SLAIN1: variants seen among roughly 807,000 people sequenced by gnomAD.
SLAIN1 encodes the protein SLAIN motif-containing protein 1.
A neutral mutation model predicts 55.4 loss-of-function variants in SLAIN1; 17 were observed. The observed-to-expected ratio is 0.31, with a 90% CI of 0.21 to 0.46. The LOEUF (loss-of-function observed/expected upper bound fraction) is 0.46. Among genes scored for constraint, SLAIN1 ranks in the 20% least tolerant of loss-of-function variants. SLAIN1 has a pLI of 1.00. For missense variants in SLAIN1, 682 were observed against 785.1 expected, an observed-to-expected ratio of 0.87 and a Z score of 1.57; for synonymous variants, 348 against 337.4, an observed-to-expected ratio of 1.03 and a Z score of -0.35.
chr13:77,723,008 A>G (rs2091276339), intron 2 of SLAIN1, among the ~76,000 whole-genome samples: 1 of 152,284 alleles, frequency 6.6e-6, no homozygotes. Context: ...TTGGCCTCCC[A>G]AAGTGCTGAG....
rs188709969 is a variant in SLAIN1 at position 77,708,902 on chromosome 13, C to T, written c.626+10363C>T. Among the ~76,000 whole-genome samples, 42 of 151,970 alleles carry T rather than the reference C, an allele frequency of 2.8e-4. No homozygotes were observed. The East Asian group carries it at 4.3e-3, about 15-fold the overall frequency. ...TTGCCAGCAAGGGAACAAAACTGGA[C>T]GGAGAATGAGTTTGATGAATTGACA... On this transcript the variant is annotated intron_variant, in intron 1 of 6. Transcript: ENST00000418532.
rs1019895872 is a variant in SLAIN1, at chr13:77,705,045, C to T, written c.626+6506C>T. Among the ~76,000 whole-genome samples, 2 of 149,158 alleles carry T rather than the reference C, an allele frequency of 1.3e-5. 1 individual carries two copies. The highest frequency in any genetic ancestry group is 1.3e-4 in the Admixed American group (2 of 14,822). ...TATATATACATAGAAACTGTATATA[C>T]AGAGGTTTTATATGTATATATACAC... On this transcript the variant is annotated intron_variant, in intron 1 of 6. Transcript: ENST00000418532.
chr13:77,724,849 C>G (rs986035000), intron 2 of SLAIN1, among the ~76,000 whole-genome samples: 1 of 152,056 alleles, frequency 6.6e-6, no homozygotes, highest in African/African-American at 2.4e-5. Context: ...AGTAACTCGT[C>G]ATTTTATTTT....
intron 1 of SLAIN1, among the ~76,000 whole-genome samples, chr13:77,712,133 G>A (rs1187082904): frequency 6.6e-6 from 1 of 152,160 alleles, no homozygotes; most frequent in East Asian, 1.9e-4. Context: ...GCAAAAGCTG[G>A]AAGCATTCCT....
chr13:77,741,405 G>A (rs971897215), intron 2 of SLAIN1: 15 of 987,352 alleles, frequency 1.5e-5, no homozygotes, highest in Non-Finnish European at 1.8e-5. Flanking sequence ...GCATGTCTGT[G>A]TTCTGGCTCC....
intron 2 of SLAIN1, among the ~76,000 whole-genome samples, chr13:77,737,138 G>A (rs753846084): frequency 4.6e-5 from 7 of 151,822 alleles, no homozygotes; most frequent in South Asian, 4.2e-4. Context: ...CTCCATGTGC[G>A]ATGGCATCAG....
At chr13:77,705,073 A>G (rs1463117717) in intron 1 of SLAIN1, among the ~76,000 whole-genome samples, 1 of 151,716 alleles carries the variant, frequency 6.6e-6, no homozygotes, top group Non-Finnish European at 1.5e-5. Flanking sequence ...ATATACACAC[A>G]TAAAATATAT....
chr13:77,718,096 AG>A (rs1176167876), intron 1 of SLAIN1, among the ~76,000 whole-genome samples: 1 of 151,608 alleles, frequency 6.6e-6, no homozygotes, highest in Non-Finnish European at 1.5e-5. Flanking sequence ...ACACACTCTA[AG>A]GAAAAAAAAA....
chr13:77,699,310 G>T (rs2091008089), intron 1 of SLAIN1: 1 of 264,610 alleles, frequency 3.8e-6, no homozygotes, highest in African/African-American at 2.2e-5. Context: ...AACTGTAGAA[G>T]AAAAGTGAGA....
At chr13:77,746,366 A>G (rs1873810665) in intron 3 of SLAIN1, 148 bp from the exon 4 acceptor site, 1 of 660,282 alleles carries the variant, frequency 1.5e-6, no homozygotes, top group African/African-American at 1.8e-5. Context: ...TTGTCTTGGT[A>G]AACTTGTCAA....
Position 77,698,555 on chromosome 13 carries a change from G to A in SLAIN1, c.626+16G>A. The A allele has an allele frequency of 1.4e-6, 2 of 1,407,138 alleles. No individual in the cohort carries two copies. Among genetic ancestry groups the A allele is most frequent in the South Asian group, 1.6e-5 (1 of 63,708 alleles). The allele number at this position is 1,407,138 out of a possible 1,614,324, so 87.2% of individuals were successfully genotyped here. A position where few individuals can be genotyped will look rare whatever the true frequency, so the allele number is the denominator to read the frequency against. On this transcript the variant is annotated intron_variant, in intron 1 of 6. Coordinates refer to ENST00000418532, the MANE Select transcript of SLAIN1 (RefSeq NM_001242868.2). The surrounding 1 kb of genome is among the most constrained non-coding windows in gnomAD (Gnocchi z 4.1). ...ACTACACCTGGTACTGCCTGGCTCC[G>A]CTCCTTCCCCGAGACCCTGGCCTCG... is the stretch of plus-strand genomic sequence containing the variant.
At chr13:77,743,249 AG>A in intron 2 of SLAIN1, 1 of 1,112,690 alleles carries the variant, frequency 9.0e-7, no homozygotes, top group Non-Finnish European at 1.2e-6. Context: ...TCATTTGAAA[AG>A]CTTGAGAATA....
At chr13:77,724,171 T>C (rs578231861) in intron 2 of SLAIN1, among the ~76,000 whole-genome samples, 1 of 152,302 alleles carries the variant, frequency 6.6e-6, no homozygotes, top group East Asian at 1.9e-4. Context: ...ATTCAGGTAA[T>C]GAAGCCTGTC....
At chr13:77,713,981 A>G (rs963526298) in intron 1 of SLAIN1, among the ~76,000 whole-genome samples, 2 of 150,868 alleles carry the variant, frequency 1.3e-5, no homozygotes, top group Non-Finnish European at 3.0e-5. Flanking sequence ...ATGAGAACAC[A>G]TGGACACAGG....
chr13:77,722,979 C>T (rs1424485010), intron 2 of SLAIN1, among the ~76,000 whole-genome samples: 1 of 152,182 alleles, frequency 6.6e-6, no homozygotes, highest in African/African-American at 2.4e-5. Flanking sequence ...AATGCCTGAT[C>T]TCAGGTAGTC....
At position 77,746,819 on chromosome 13, in the gene SLAIN1, C is replaced by G; in HGVS notation, c.1222C>G (p.Gln408Glu). Residue 408 changes from glutamine to glutamate, a missense_variant, in exon 4 of 7, where the codon CAA (glutamine) becomes GAA (glutamate). Gln to Glu is a conservative substitution (Grantham distance 29). This residue lies in a region of SLAIN1 where 244 missense variants were observed against 295.2 expected (regional missense o/e 0.83). Coordinates refer to ENST00000418532, the MANE Select transcript of SLAIN1 (RefSeq NM_001242868.2). The part of the protein sequence containing the change: ...QQQQYYSPQA[Q>E]TPDQQPNRTN... ...GCAACAGTATTATTCACCTCAAGCC[C>G]AAACTCCAGATCAGCAACCAAATAG... The G allele has an allele frequency of 6.2e-7, 1 of 1,613,562 alleles. No individual in the cohort carries two copies. The highest frequency in any genetic ancestry group is 1.3e-5 in the African/African-American group (1 of 74,992).
At position 77,744,271 on chromosome 13, in the gene SLAIN1, T is replaced by G. The variant is rs1360316118; in HGVS notation, c.767-12T>G. 1.2e-5 allele frequency: 19 copies of G among 1,585,518 alleles called. No individual in the cohort carries two copies. Among genetic ancestry groups the G allele is most frequent in the Non-Finnish European group, 1.6e-5 (19 of 1,154,372 alleles). On this transcript the variant is annotated splice_polypyrimidine_tract_variant and intron_variant, in intron 2 of 6. Transcript: ENST00000418532. ...TGCAGATGGAAGAACACACTTTTCC[T>G]TTGTGTTTCAGGTTACACTTCCAGG... is the stretch of plus-strand genomic sequence containing the variant.
chr13:77,703,922 T>TATATACATATG (rs377247042), intron 1 of SLAIN1, among the ~76,000 whole-genome samples: 5 of 117,412 alleles, frequency 4.3e-5, no homozygotes, highest in Admixed American at 8.6e-5. Flanking sequence ...CACATATATA[T>TATATACATATG]TTTTATATGT....
intron 4 of SLAIN1, among the ~76,000 whole-genome samples, chr13:77,749,375 C>T (rs1176921275): frequency 6.6e-6 from 1 of 152,024 alleles, no homozygotes; most frequent in African/African-American, 2.4e-5. Context: ...TCTTTACCAA[C>T]TTTTTTATAA....
Sources: allele counts gnomAD v4.1 joint callset (sites outside exome capture counted in the v4.1 genomes callset), GRCh38; gene constraint gnomAD v4.1.1; regional missense constraint gnomAD v4.1.1; non-coding constraint Gnocchi (gnomAD v3.1); transcripts MANE v1.5; gene names NCBI Gene and HGNC (gene_info 2026-07-23, HGNC 2026-07-21).